Variants in PLCB1 observed in about 807,000 individuals in gnomAD.
PLCB1 encodes phospholipase C beta 1, also known as 1-phosphatidylinositol 4,5-bisphosphate phosphodiesterase beta-1.
PLCB1 carries 46 observed loss-of-function variants against 161.8 expected under a neutral mutation model. The ratio of observed to expected loss-of-function variants is 0.28; its 90% CI spans 0.22 to 0.36. The LOEUF is 0.36. Among genes scored for constraint, PLCB1 ranks in the 10% least tolerant of loss-of-function variants. The probability of loss-of-function intolerance (pLI) is 1.00; values close to 1 mark genes in which losing one functional copy is unlikely to be tolerated. For missense variants in PLCB1, 1,016 were observed against 1,472.5 expected (o/e 0.69, Z 5.07); for synonymous variants, 517 against 503.7 (o/e 1.03, Z -0.35).
chr20:8,681,122 T>TATATA (rs1990210832), intron 9 of PLCB1, among the ~76,000 whole-genome samples: 1 of 120,676 alleles, frequency 8.3e-6, no homozygotes, highest in Non-Finnish European at 1.8e-5. Context: ...ATATATATAA[T>TATATA]ATATATAAAA....
chr20:8,342,646 G>A (rs924610271), intron 2 of PLCB1, among the ~76,000 whole-genome samples: 1 of 152,182 alleles, frequency 6.6e-6, no homozygotes, highest in Non-Finnish European at 1.5e-5. Flanking sequence ...CCCGGCGCAA[G>A]AGCCAGTCTG....
chr20:8,539,616 T>TTTTC (rs34024831), intron 3 of PLCB1, among the ~76,000 whole-genome samples: 2,706 of 96,958 alleles, frequency 0.028, 67 homozygotes, highest in Non-Finnish European at 0.035. Context: ...CTTTTCTTTA[T>TTTTC]TTTCTTTCTT....
intron 3 of PLCB1, among the ~76,000 whole-genome samples, chr20:8,395,513 G>T (rs1460322080): frequency 6.6e-6 from 1 of 151,916 alleles, no homozygotes; most frequent in Non-Finnish European, 1.5e-5. Context: ...AGTCAATAAT[G>T]CTTTCAAATA....
intron 2 of PLCB1, among the ~76,000 whole-genome samples, chr20:8,349,071 C>T (rs1369576218): frequency 1.3e-5 from 2 of 151,950 alleles, no homozygotes; most frequent in African/African-American, 4.8e-5. Context: ...CATATACACA[C>T]CCATGTACTA....
chr20:8,733,113 C>T, intron 18 of PLCB1, 125 bp from the exon 19 acceptor site: 1 of 945,918 alleles, frequency 1.1e-6, no homozygotes, highest in East Asian at 2.5e-5. Context: ...TGCATTTCTA[C>T]AATGACTCTC....
rs111332547 is a variant in PLCB1 at position 8,541,464 on chromosome 20, T to A, written c.247-86830T>A. 2.2e-3 allele frequency among the ~76,000 whole-genome samples: 337 copies of A among 152,188 alleles called. 2 individuals carry two copies. The highest frequency in any genetic ancestry group is 7.7e-3 in the African/African-American group (318 of 41,496). ...TGGGCACATGGAAGTTCTCTGTGTCTGGCACTGCATTGGTTCTCCAAATCT... is the reference window on the plus strand; with the variant it reads ...TGGGCACATGGAAGTTCTCTGTGTCAGGCACTGCATTGGTTCTCCAAATCT... On this transcript the variant is annotated intron_variant, in intron 3 of 31. Coordinates refer to ENST00000338037, the MANE Select transcript of PLCB1 (RefSeq NM_015192.4).
intron 5 of PLCB1, 131 bp downstream of exon 5, chr20:8,646,312 AT>A: frequency 1.5e-6 from 1 of 662,654 alleles, no homozygotes; most frequent in Non-Finnish European, 2.7e-6. Flanking sequence ...TTTGGGATTT[AT>A]TAGAGAACTG....
intron 7 of PLCB1, among the ~76,000 whole-genome samples, chr20:8,650,858 AGGATCTAAACAGTTT>A (rs1256578359): frequency 3.9e-5 from 6 of 152,260 alleles, no homozygotes; most frequent in African/African-American, 9.6e-5. Context: ...GAGGGGGTGC[AGGATCTAAACAGTTT>A]GGATCTAAAC....
chr20:8,662,466 T>G (rs1041023277), intron 9 of PLCB1, among the ~76,000 whole-genome samples: 1 of 137,278 alleles, frequency 7.3e-6, no homozygotes, highest in African/African-American at 2.6e-5. Flanking sequence ...ATTATATAAT[T>G]ATGTATAATA....
intron 31 of PLCB1, among the ~76,000 whole-genome samples, chr20:8,874,762 C>T (rs1987720393): frequency 6.6e-6 from 1 of 151,910 alleles, no homozygotes; most frequent in African/African-American, 2.4e-5. Flanking sequence ...TTTGCCTGTA[C>T]AAACAATGCT....
At chr20:8,557,354 A>G (rs1985998020) in intron 3 of PLCB1, among the ~76,000 whole-genome samples, 1 of 152,110 alleles carries the variant, frequency 6.6e-6, no homozygotes, top group Non-Finnish European at 1.5e-5. Context: ...ACAATGGAAT[A>G]TGATTCAGCC....
At chr20:8,723,539 G>C (rs1979763304) in intron 15 of PLCB1, among the ~76,000 whole-genome samples, 1 of 152,144 alleles carries the variant, frequency 6.6e-6, no homozygotes, top group Non-Finnish European at 1.5e-5. Flanking sequence ...CTCTATCAAA[G>C]TAATATGTCA....
intron 2 of PLCB1, among the ~76,000 whole-genome samples, chr20:8,301,879 T>G (rs549344018): frequency 8.1e-4 from 124 of 152,372 alleles, no homozygotes; most frequent in Non-Finnish European, 1.5e-3. Flanking sequence ...GTCAAGAATG[T>G]GGCTTTGGCA....
intron 16 of PLCB1, among the ~76,000 whole-genome samples, chr20:8,726,930 GTTAAACCCCA>G (rs1297180971): frequency 6.6e-6 from 1 of 152,034 alleles, no homozygotes; most frequent in East Asian, 1.9e-4. Context: ...GGTCTCTTTT[GTTAAACCCCA>G]TATTGGCCCT....
Position 8,495,388 on chromosome 20 carries a change from C to CTTTTTTTTTTTTTT in PLCB1, c.246+123952_246+123965dup, listed in dbSNP as rs869173548. Among the ~76,000 whole-genome samples the CTTTTTTTTTTTTTT allele has an allele frequency of 1.3e-3, 121 of 94,346 alleles. 7 individuals are homozygous for CTTTTTTTTTTTTTT. The highest frequency in any genetic ancestry group is 5.3e-3 in the African/African-American group (117 of 22,212). 61.9% of individuals were successfully genotyped at this position (94,346 alleles called of 152,430 possible). A position where few individuals can be genotyped will look rare whatever the true frequency, so the allele number is the denominator to read the frequency against. On this transcript the variant is annotated intron_variant, in intron 3 of 31. Transcript: ENST00000338037. ...TGTGGACTTTGCCTTACCTTCCTTTCTTTTTTTTTTTTTTTTTTTTTTTTT... is the reference window on the plus strand; with the variant it reads ...TGTGGACTTTGCCTTACCTTCCTTTCTTTTTTTTTTTTTTTTTTTTTTTTTTTTTTTTTTTTTTT...
At chr20:8,146,480 T>C (rs1245421200) in intron 1 of PLCB1, among the ~76,000 whole-genome samples, 2 of 152,264 alleles carry the variant, frequency 1.3e-5, no homozygotes, top group Admixed American at 6.5e-5. Context: ...GTTGAGAATG[T>C]ATCAGTTACT....
At chr20:8,326,750 C>T (rs1469111056) in intron 2 of PLCB1, among the ~76,000 whole-genome samples, 1 of 152,116 alleles carries the variant, frequency 6.6e-6, no homozygotes, top group Non-Finnish European at 1.5e-5. Context: ...CTTCTATGAC[C>T]CTCCAGAATT....
intron 3 of PLCB1, among the ~76,000 whole-genome samples, chr20:8,590,681 A>G (rs1568520325): frequency 1.3e-5 from 2 of 152,208 alleles, no homozygotes; most frequent in Middle Eastern, 3.4e-3. Context: ...CCTTCCTCCA[A>G]CTTCAAAGGC....
intron 4 of PLCB1, among the ~76,000 whole-genome samples, chr20:8,632,913 G>A (rs757736308): frequency 6.6e-6 from 1 of 152,116 alleles, no homozygotes; most frequent in Non-Finnish European, 1.5e-5. Context: ...AGCCCCGAGA[G>A]GGTTTCAGCT....
Sources: allele counts gnomAD v4.1 joint callset (sites outside exome capture counted in the v4.1 genomes callset), GRCh38; gene constraint gnomAD v4.1.1; transcripts MANE v1.5; gene names NCBI Gene and HGNC (gene_info 2026-07-23, HGNC 2026-07-21).